IL36B: variants seen among roughly 807,000 people sequenced by gnomAD.
The protein encoded by IL36B is interleukin 36 beta.
A neutral mutation model predicts 19.3 loss-of-function variants in IL36B; 23 were observed. The observed-to-expected ratio is 1.19, with a 90% confidence interval of 0.86 to 1.69. The LOEUF is 1.69. Among genes scored for constraint, IL36B ranks in the 40% most tolerant of loss-of-function variants. The pLI is 0.00. For missense variants in IL36B, 217 were observed against 200.5 expected (o/e 1.08, Z -0.50); for synonymous variants, 59 against 59.7 (o/e 0.99, Z 0.05).
At chr2:113,036,876 G>A (rs1044221049) in intron 1 of IL36B, among the ~76,000 whole-genome samples, 94 of 152,220 alleles carry the variant, frequency 6.2e-4, no homozygotes, top group African/African-American at 2.2e-3. Flanking sequence ...AATCTAGGAC[G>A]GCACTGCCCT....
At chr2:113,038,293 G>A (rs1685194764) in intron 1 of IL36B, among the ~76,000 whole-genome samples, 1 of 152,192 alleles carries the variant, frequency 6.6e-6, no homozygotes, top group Admixed American at 6.5e-5. Context: ...GTTCCAGAGT[G>A]CTCCTCACTG....
intron 1 of IL36B, 28 bp from the exon 2 acceptor site, chr2:113,031,794 G>T: frequency 9.4e-7 from 1 of 1,069,088 alleles, no homozygotes; most frequent in African/African-American, 1.6e-5. Context: ...TGTGAGAGAA[G>T]GAGAGAAGAA....
intron 4 of IL36B, chr2:113,027,445 A>G (rs559184398): frequency 1.6e-4 from 160 of 1,012,088 alleles, no homozygotes; most frequent in Non-Finnish European, 1.8e-4. Flanking sequence ...AGGATTAGAA[A>G]GACATGCAAA....
intron 1 of IL36B, among the ~76,000 whole-genome samples, chr2:113,045,231 C>G (rs1685330135): frequency 6.6e-6 from 1 of 152,008 alleles, no homozygotes; most frequent in African/African-American, 2.4e-5. Flanking sequence ...AGATTTTTTG[C>G]TGGTTATAAC....
At chr2:113,049,000 A>T (rs1005312503) in intron 1 of IL36B, among the ~76,000 whole-genome samples, 6 of 152,214 alleles carry the variant, frequency 3.9e-5, no homozygotes, top group Admixed American at 3.9e-4. Flanking sequence ...CTTAATGATG[A>T]TGAAGAGGAA....
At chr2:113,050,906 G>A (rs1005163883) in intron 1 of IL36B, among the ~76,000 whole-genome samples, 3 of 152,166 alleles carry the variant, frequency 2.0e-5, no homozygotes, top group South Asian at 2.1e-4. Context: ...TGTGGAAAGA[G>A]ACAGAAAAAG....
At chr2:113,023,930 G>A (rs537249936) in intron 5 of IL36B, among the ~76,000 whole-genome samples, 2 of 152,160 alleles carry the variant, frequency 1.3e-5, no homozygotes, top group Admixed American at 6.5e-5. Context: ...GAGAGACAAA[G>A]ATTCTCAGTT....
intron 2 of IL36B, 105 bp downstream of exon 2, chr2:113,031,592 C>A (rs2305149): frequency 0.14 from 138,210 of 1,007,908 alleles, 10,442 homozygotes; most frequent in East Asian, 0.26. Context: ...TTAGCAAGAG[C>A]AAATACATTT....
chr2:113,031,677 AT>A lies in IL36B; in HGVS notation c.13+19del. On this transcript the variant is annotated intron_variant, in intron 2 of 5. Transcript: ENST00000259213. Reference sequence around the variant, plus strand: ...GTCAGATGGAGATATTTCCAAGCTGATTTGCAATTCACCACTTACGTTGTGG... The same window carrying A: ...GTCAGATGGAGATATTTCCAAGCTGATTGCAATTCACCACTTACGTTGTGG... 1 of 1,603,878 alleles carries A rather than the reference AT, an allele frequency of 6.2e-7. No homozygotes were observed. The highest frequency in any genetic ancestry group is 8.5e-7 in the Non-Finnish European group (1 of 1,171,180).
At position 113,032,331 on chromosome 2, in the gene IL36B, A is replaced by AT. The variant is rs535500442; in HGVS notation, c.-57-566_-57-565insA. ...GTAAGGATCATGCACATGGCCACTG[A>AT]GGGCCCCACAAGGTGCTTTGACTAT... is the stretch of plus-strand genomic sequence containing the variant. On this transcript the variant is annotated intron_variant, in intron 1 of 5. Coordinates refer to ENST00000259213, the MANE Select transcript of IL36B (RefSeq NM_014438.5). Among the ~76,000 whole-genome samples, 19 of 152,256 alleles carry AT rather than the reference A, an allele frequency of 1.2e-4. No homozygotes were observed. In the South Asian group the frequency reaches 3.7e-3, roughly 30 times the overall value.
intron 1 of IL36B, among the ~76,000 whole-genome samples, chr2:113,033,647 C>A (rs2105046677): frequency 6.6e-6 from 1 of 152,310 alleles, no homozygotes. Flanking sequence ...AGAAATCTAG[C>A]CAAGTTAGAA....
In IL36B at chr2:113,044,789, AT is replaced by A. The variant is rs1237625837; in HGVS notation, c.-58+8027del. On this transcript the variant is annotated intron_variant, in intron 1 of 5. Transcript: ENST00000259213. Reference sequence around the variant, plus strand: ...ATATTTGTCATCAGTTCTTTGTTCCATTTTTTCCTGAGTCCTTTTGGATTAC... The same window carrying A: ...ATATTTGTCATCAGTTCTTTGTTCCATTTTTCCTGAGTCCTTTTGGATTAC... Among the ~76,000 whole-genome samples the A allele has an allele frequency of 2.0e-5, 3 of 151,242 alleles. No homozygotes were observed. The East Asian group carries it at 5.8e-4, about 29-fold the overall frequency.
rs367549731 is a variant in IL36B at position 113,048,993 on chromosome 2, AATG to A, written c.-58+3821_-58+3823del. ...AAATATGCTAGCTATTGTTCTTCTT[AATG>A]ATGATGAAGAGGAAGCATCACACAA... On this transcript the variant is annotated intron_variant, in intron 1 of 5. Coordinates refer to ENST00000259213, the MANE Select transcript of IL36B (RefSeq NM_014438.5). Among the ~76,000 whole-genome samples, 65 of 152,342 alleles carry A rather than the reference AATG, an allele frequency of 4.3e-4. No homozygotes were observed. In the East Asian group the frequency reaches 0.012, roughly 28 times the overall value.
intron 1 of IL36B, among the ~76,000 whole-genome samples, chr2:113,039,915 G>A (rs572171644): frequency 1.7e-4 from 26 of 152,294 alleles, no homozygotes; most frequent in African/African-American, 6.3e-4. Context: ...AAGGCATGCA[G>A]GCAGATCCTG....
intron 1 of IL36B, among the ~76,000 whole-genome samples, chr2:113,037,134 T>C (rs1685179255): frequency 6.6e-6 from 1 of 152,198 alleles, no homozygotes; most frequent in Non-Finnish European, 1.5e-5. Context: ...TGAGCATCTG[T>C]GTGGATCAGC....
At position 113,032,135 on chromosome 2, in the gene IL36B, G is replaced by C. The variant is rs1036821604; in HGVS notation, c.-57-369C>G. 1.1e-4 allele frequency among the ~76,000 whole-genome samples: 10 copies of C among 90,684 alleles called. 1 individual carries two copies. Among genetic ancestry groups the C allele is most frequent in the Admixed American group, 9.7e-4 (8 of 8,228 alleles). 59.5% of individuals were successfully genotyped at this position (90,684 alleles called of 152,430 possible). ...AGAGACAGAGTGCGTGTGTGTGTCT[G>C]TGTGTGTGTGTGTGTGTGTGTGTGT... On this transcript the variant is annotated intron_variant, in intron 1 of 5. Coordinates refer to ENST00000259213, the MANE Select transcript of IL36B (RefSeq NM_014438.5).
chr2:113,022,873 G>A, intron 5 of IL36B: 1 of 734,354 alleles, frequency 1.4e-6, no homozygotes, highest in Non-Finnish European at 2.4e-6. Context: ...ATTCTACACG[G>A]AGGCTCCTGG....
At chr2:113,023,296 C>A (rs1055977695) in intron 5 of IL36B, among the ~76,000 whole-genome samples, 2 of 152,148 alleles carry the variant, frequency 1.3e-5, no homozygotes, top group Non-Finnish European at 1.5e-5. Flanking sequence ...GATTATTGAT[C>A]CTGACACTTC....
intron 1 of IL36B, among the ~76,000 whole-genome samples, chr2:113,049,987 A>G (rs1020311555): frequency 2.7e-4 from 41 of 152,068 alleles, no homozygotes; most frequent in African/African-American, 9.9e-4. Flanking sequence ...AGAAACTGGA[A>G]CCCTTGTGCA....
Sources: gnomAD v4.1 joint callset for allele counts (sites outside exome capture counted in the v4.1 genomes callset) on GRCh38, gnomAD v4.1.1 for gene constraint, MANE v1.5 for transcripts, NCBI Gene and HGNC (gene_info 2026-07-23, HGNC 2026-07-21) for gene names.